The following AAMDC variants were observed in gnomAD, a reference collection of about 807,000 sequenced individuals.
AAMDC encodes adipogenesis associated Mth938 domain containing, also known as mth938 domain-containing protein.
A neutral mutation model predicts 15.5 loss-of-function variants in AAMDC; 16 were observed. That is an observed-to-expected ratio of 1.03 (90% CI 0.70 to 1.57). The LOEUF is 1.57. Ranked by LOEUF, AAMDC falls within the 40% of genes most tolerant of loss-of-function variation. The pLI, the probability that AAMDC is intolerant of heterozygous loss-of-function variation, is 0.00. For missense variants in AAMDC, 141 were observed against 144.9 expected, an observed-to-expected ratio of 0.97 and a Z score of 0.14; for synonymous variants, 51 against 51.6, an observed-to-expected ratio of 0.99 and a Z score of 0.05.
chr11:77,828,513 A>G (rs930536542), intron 1 of AAMDC, among the ~76,000 whole-genome samples: 7 of 151,588 alleles, frequency 4.6e-5, no homozygotes, highest in Non-Finnish European at 8.8e-5. Flanking sequence ...TAAAAATACA[A>G]AAACAAAATT....
chr11:77,877,950 T>C (rs182296032), intron 5 of AAMDC, among the ~76,000 whole-genome samples: 1 of 152,330 alleles, frequency 6.6e-6, no homozygotes. Context: ...TAAATTACTT[T>C]ATTTCTTGCA....
At chr11:77,874,775 G>A (rs1375853316), downstream of AAMDC, among the ~76,000 whole-genome samples, 2 of 152,124 alleles carry the variant, frequency 1.3e-5, no homozygotes, top group African/African-American at 4.8e-5. Context: ...GGTGGCTCAC[G>A]CCTGTAATCC....
At chr11:77,871,850 G>T (rs913538497) in intron 3 of AAMDC, among the ~76,000 whole-genome samples, 8 of 152,194 alleles carry the variant, frequency 5.3e-5, no homozygotes, top group African/African-American at 1.9e-4. Context: ...TTACAGACAT[G>T]AAAACAAAGA....
chr11:77,842,328 A>T, intron 1 of AAMDC, 151 bp from the exon 2 acceptor site: 1 of 694,004 alleles, frequency 1.4e-6, no homozygotes, highest in Non-Finnish European at 2.3e-6. Context: ...AATAATAGTT[A>T]CTTTTTAGAC....
chr11:77,905,512 G>A (rs1351003725), downstream of AAMDC, among the ~76,000 whole-genome samples: 1 of 151,446 alleles, frequency 6.6e-6, no homozygotes, highest in Non-Finnish European at 1.5e-5. Context: ...TCTGCTGCTT[G>A]GATATCAGAA....
intron 3 of AAMDC, 173 bp downstream of exon 3, chr11:77,869,990 C>G (rs1951337388): frequency 1.9e-6 from 1 of 532,600 alleles, no homozygotes; most frequent in South Asian, 2.5e-5. Context: ...GTTGGGCTCT[C>G]CAGTCTACCT....
chr11:77,827,834 A>G (rs1179931136), intron 1 of AAMDC, among the ~76,000 whole-genome samples: 1 of 152,234 alleles, frequency 6.6e-6, no homozygotes, highest in Non-Finnish European at 1.5e-5. Flanking sequence ...AACAAGCTCT[A>G]TCTTAAATTA....
intron 1 of AAMDC, among the ~76,000 whole-genome samples, chr11:77,826,472 G>A (rs530308021): frequency 5.3e-5 from 8 of 152,102 alleles, no homozygotes; most frequent in African/African-American, 1.2e-4. Flanking sequence ...GATAATCATC[G>A]GCAGTTTGAC....
chr11:77,872,144 C>A, intron 3 of AAMDC, 31 bp from the exon 4 acceptor site: 1 of 1,602,688 alleles, frequency 6.2e-7, no homozygotes, highest in Non-Finnish European at 8.5e-7. Flanking sequence ...GCCTTTCCCC[C>A]TACTTACTCA....
intron 2 of AAMDC, 91 bp downstream of exon 2, chr11:77,842,719 C>A (rs548416593): frequency 3.0e-5 from 46 of 1,532,152 alleles, no homozygotes; most frequent in Non-Finnish European, 3.8e-5. Flanking sequence ...AAAACTATTT[C>A]TCTTGTGTCT....
rs1057481569 is a variant in AAMDC at position 77,831,814 on chromosome 11, G to A, written c.-19+10573G>A. The A allele has an allele frequency of 2.7e-5, 4 of 148,594 alleles. No homozygotes were observed. The Admixed American group carries it at 2.8e-4, about 10-fold the overall frequency. 9.2% of individuals were successfully genotyped at this position (148,594 alleles called of 1,614,324 possible). ...AGTTTCAAGTGATTCTCGTGCCTCA[G>A]TCTCCCAAGTAGCTGGGATTACAGA... is the stretch of plus-strand genomic sequence containing the variant. On this transcript the variant is annotated intron_variant, in intron 1 of 3. Transcript: ENST00000393427.
intron 5 of AAMDC, chr11:77,883,685 A>G (rs1163872093): frequency 6.3e-6 from 5 of 794,090 alleles, no homozygotes; most frequent in Non-Finnish European, 9.5e-6. Context: ...TACCCACTTA[A>G]TGAGTGCTTA....
chr11:77,902,025 A>G (rs146501641), downstream of AAMDC, among the ~76,000 whole-genome samples: 86 of 152,314 alleles, frequency 5.6e-4, 1 homozygote, highest in East Asian at 0.014. Flanking sequence ...AAGTGCAAGA[A>G]AACATTTGTC....
chr11:77,846,313 C>T (rs1303234544), intron 2 of AAMDC, among the ~76,000 whole-genome samples: 1 of 152,138 alleles, frequency 6.6e-6, no homozygotes, highest in Non-Finnish European at 1.5e-5. Flanking sequence ...AGGTCAATTT[C>T]TTCTTTTAGA....
chr11:77,890,396 C>T (rs548715186), intron 5 of AAMDC, among the ~76,000 whole-genome samples: 51 of 152,188 alleles, frequency 3.4e-4, no homozygotes, highest in Non-Finnish European at 5.3e-4. Flanking sequence ...CCTGCCAGTG[C>T]TTGCATCCCT....
At chr11:77,835,921 A>T (rs1949662374) in intron 1 of AAMDC, among the ~76,000 whole-genome samples, 1 of 152,136 alleles carries the variant, frequency 6.6e-6, no homozygotes, top group Non-Finnish European at 1.5e-5. Context: ...AAAGAAAAAA[A>T]AAATAATAAT....
intron 5 of AAMDC, among the ~76,000 whole-genome samples, chr11:77,886,274 G>C (rs898607452): frequency 1.3e-5 from 2 of 152,126 alleles, no homozygotes; most frequent in African/African-American, 4.8e-5. Flanking sequence ...TCACTCCTCT[G>C]TGAAATGGTT....
chr11:77,905,539 G>A (rs1462442157), downstream of AAMDC, among the ~76,000 whole-genome samples: 2 of 151,858 alleles, frequency 1.3e-5, no homozygotes, highest in East Asian at 3.9e-4. Flanking sequence ...CTCCATGAAA[G>A]TGCATCATCA....
chr11:77,853,316 G>A (rs1276561154), intron 2 of AAMDC, among the ~76,000 whole-genome samples: 1 of 152,122 alleles, frequency 6.6e-6, no homozygotes, highest in Non-Finnish European at 1.5e-5. Context: ...GTTTCCATAG[G>A]CTGTACAGGA....
Sources: gnomAD v4.1 joint callset for allele counts (sites outside exome capture counted in the v4.1 genomes callset) on GRCh38, gnomAD v4.1.1 for gene constraint, MANE v1.5 for transcripts, NCBI Gene and HGNC (gene_info 2026-07-23, HGNC 2026-07-21) for gene names.